The following COL18A1 variants were observed in gnomAD, a reference collection of about 807,000 sequenced individuals.
The protein encoded by COL18A1 is collagen type XVIII alpha 1 chain.
A neutral mutation model predicts 168.0 loss-of-function variants in COL18A1; 133 were observed. That is an observed-to-expected ratio of 0.79 (90% confidence interval 0.69 to 0.91). The LOEUF is 0.91. Ranked by LOEUF, COL18A1 falls within the 40% of genes least tolerant of loss-of-function variation. The probability of loss-of-function intolerance (pLI) is 0.00; values close to 1 mark genes in which losing one functional copy is unlikely to be tolerated. For synonymous variants in COL18A1, 949 were observed against 809.0 expected, an observed-to-expected ratio of 1.17 and a Z score of -2.94; for missense variants, 2,126 against 1,925.4, an observed-to-expected ratio of 1.10 and a Z score of -1.95.
chr21:45,492,741 G>GTTGCCCGCCA, intron 24 of COL18A1, 28 bp downstream of exon 24: 1 of 1,055,790 alleles, frequency 9.5e-7, no homozygotes, highest in Non-Finnish European at 1.3e-6. Flanking sequence ...AGAGCTGCAT[G>GTTGCCCGCCA]CTGCCCGGCT....
chr21:45,418,608 C>T (rs2033517938), intron 2 of COL18A1, among the ~76,000 whole-genome samples: 1 of 152,154 alleles, frequency 6.6e-6, no homozygotes, highest in African/African-American at 2.4e-5. Flanking sequence ...CACAGCCCGC[C>T]TCGTGCACCT....
chr21:45,482,305 T>C, intron 14 of COL18A1: 1 of 669,768 alleles, frequency 1.5e-6, no homozygotes, highest in South Asian at 1.5e-5. Context: ...CCACGTTGGT[T>C]ACGGGGCAGT....
rs186170773 is a variant in COL18A1, at chr21:45,441,527, C to T, written c.107-26715C>T. On this transcript the variant is annotated intron_variant, in intron 2 of 41. Coordinates refer to ENST00000651438, the MANE Select transcript of COL18A1 (RefSeq NM_001379500.1). ...GCTCCTGGCCTGGAGGTGCCCCCAC[C>T]GGGTCCTCCAGTCCTGCTGCCCGGT... Among the ~76,000 whole-genome samples, 774 of 152,328 alleles carry T rather than the reference C, an allele frequency of 5.1e-3. 7 individuals are homozygous for T. The highest frequency in any genetic ancestry group is 0.018 in the African/African-American group (751 of 41,564).
intron 2 of COL18A1, chr21:45,421,152 C>T: frequency 2.9e-6 from 1 of 342,946 alleles, no homozygotes; most frequent in Non-Finnish European, 5.8e-6. Flanking sequence ...TCCTCAGGCT[C>T]CTCAAGGACA....
chr21:45,491,268 G>T lies in COL18A1; in HGVS notation c.2111G>T (p.Gly704Val). The T allele has an allele frequency of 1.9e-6, 3 of 1,611,568 alleles. No individual in the cohort carries two copies. The highest frequency in any genetic ancestry group is 2.5e-6 in the Non-Finnish European group (3 of 1,179,158). Residue 704 changes from glycine (G) to valine (V), a missense_variant, in exon 22 of 42, where the codon GGC (glycine) becomes GTC (valine). Gly to Val is a moderately radical substitution (Grantham distance 109, BLOSUM62 -3). Coordinates refer to ENST00000651438, the MANE Select transcript of COL18A1 (RefSeq NM_001379500.1). ...GGAGTCGGGCAGCCGGGCCTCCCTG[G>T]CCCCCCCGGACCCCCGGGACCTGTG... ...KDGVGQPGLP[G>V]PPGPPGPVVY... is the part of the protein sequence containing the mutation.
intron 2 of COL18A1, among the ~76,000 whole-genome samples, chr21:45,455,094 G>A (rs772541314): frequency 2.6e-5 from 4 of 152,260 alleles, no homozygotes; most frequent in Non-Finnish European, 4.4e-5. Flanking sequence ...ATGGCTCCAG[G>A]CCAGGCGCCT....
chr21:45,479,177 C>T (rs978280836), intron 9 of COL18A1, among the ~76,000 whole-genome samples: 33 of 137,620 alleles, frequency 2.4e-4, no homozygotes, highest in African/African-American at 6.6e-4. Context: ...TGTGACTGCG[C>T]GTGTGTGTGG....
chr21:45,441,568 T>C (rs1215318885), intron 2 of COL18A1, among the ~76,000 whole-genome samples: 2 of 152,198 alleles, frequency 1.3e-5, no homozygotes, highest in Non-Finnish European at 2.9e-5. Context: ...TGGCCATGGT[T>C]CCCGTCCCGG....
At chr21:45,421,723 A>G in intron 2 of COL18A1, 1 of 422,254 alleles carries the variant, frequency 2.4e-6, no homozygotes, top group South Asian at 1.8e-5. Flanking sequence ...TGGCACAGAG[A>G]CCCTCATTCC....
Position 45,501,184 on chromosome 21 carries a change from G to A in COL18A1, c.2684-2827G>A, listed in dbSNP as rs2036800848. Among the ~76,000 whole-genome samples the A allele has an allele frequency of 2.0e-5, 3 of 152,062 alleles. No individual in the cohort carries two copies. In the South Asian group the frequency reaches 6.2e-4, roughly 31 times the overall value. On this transcript the variant is annotated intron_variant, in intron 32 of 41. Coordinates refer to ENST00000651438, the MANE Select transcript of COL18A1 (RefSeq NM_001379500.1). ...AAAATAAATGTTCATTGAGACAACGGAGCAAGTCTACCAGAGAAATTGAGT... is the reference window on the plus strand; with the variant it reads ...AAAATAAATGTTCATTGAGACAACGAAGCAAGTCTACCAGAGAAATTGAGT...
intron 20 of COL18A1, 142 bp from the exon 21 acceptor site, chr21:45,490,694 G>A (rs2036304307): frequency 2.3e-6 from 2 of 851,862 alleles, no homozygotes; most frequent in Admixed American, 2.1e-5. Context: ...TCTCCGTCAG[G>A]GCTCTTGGTG....
At chr21:45,448,487 CCATG>C (rs1259919206) in intron 2 of COL18A1, among the ~76,000 whole-genome samples, 6 of 152,386 alleles carry the variant, frequency 3.9e-5, no homozygotes, top group African/African-American at 1.4e-4. Flanking sequence ...ACACAGATAT[CCATG>C]CATGCATGTA....
chr21:45,507,803 G>A (rs1337276018), intron 38 of COL18A1, among the ~76,000 whole-genome samples: 2 of 152,198 alleles, frequency 1.3e-5, no homozygotes, highest in Non-Finnish European at 2.9e-5. Context: ...CTCAGCTGCT[G>A]GCCTCACGAG....
At chr21:45,415,371 A>G (rs998848914) in intron 2 of COL18A1, among the ~76,000 whole-genome samples, 2 of 152,172 alleles carry the variant, frequency 1.3e-5, no homozygotes, top group Non-Finnish European at 2.9e-5. Flanking sequence ...TCCTGACTCA[A>G]TGGAACCTCT....
Position 45,440,859 on chromosome 21 carries a change from G to A in COL18A1, c.107-27383G>A, listed in dbSNP as rs566279801. Among the ~76,000 whole-genome samples the A allele has an allele frequency of 2.0e-5, 3 of 152,332 alleles. No homozygotes were observed. The East Asian group carries it at 5.8e-4, about 29-fold the overall frequency. On this transcript the variant is annotated intron_variant, in intron 2 of 41. Transcript: ENST00000651438. ...CCCTGGCCATGGGCCCAGGCAGGGT[G>A]AGGTTTCCCAGCACCCTGGGTGATC...
chr21:45,417,759 G>A (rs962724798), intron 2 of COL18A1, among the ~76,000 whole-genome samples: 1 of 152,248 alleles, frequency 6.6e-6, no homozygotes, highest in Non-Finnish European at 1.5e-5. Flanking sequence ...TGTGGTCTGG[G>A]CAGAGCTGGG....
chr21:45,492,364 C>G lies in COL18A1; in HGVS notation c.2158-171C>G, dbSNP rs551054660. 1.6e-3 allele frequency among the ~76,000 whole-genome samples: 237 copies of G among 152,310 alleles called. 1 individual carries two copies. Among genetic ancestry groups the G allele is most frequent in the African/African-American group, 5.5e-3 (227 of 41,570 alleles). On this transcript the variant is annotated intron_variant, in intron 22 of 41. Coordinates refer to ENST00000651438, the MANE Select transcript of COL18A1 (RefSeq NM_001379500.1). ...GGAGTCTGCATCCAGCTGCTCTGAGCTGAGGGGCGTCTGTGCTGCAGGAGG... is the reference window on the plus strand; with the variant it reads ...GGAGTCTGCATCCAGCTGCTCTGAGGTGAGGGGCGTCTGTGCTGCAGGAGG...
intron 4 of COL18A1, among the ~76,000 whole-genome samples, chr21:45,474,315 G>A (rs1451027522): frequency 6.7e-6 from 1 of 148,544 alleles, no homozygotes. Context: ...TCTCTGTGGT[G>A]TGTCTGTCTT....
intron 2 of COL18A1, among the ~76,000 whole-genome samples, chr21:45,416,543 C>T (rs2033451247): frequency 6.6e-6 from 1 of 152,158 alleles, no homozygotes; most frequent in South Asian, 2.1e-4. Flanking sequence ...CTCGGTCCGT[C>T]CTCTGTGACC....
Sources: gnomAD v4.1 joint callset for allele counts (sites outside exome capture counted in the v4.1 genomes callset) on GRCh38, gnomAD v4.1.1 for gene constraint, MANE v1.5 for transcripts, NCBI Gene and HGNC (gene_info 2026-07-23, HGNC 2026-07-21) for gene names.